The following FBXL13 variants were observed in gnomAD, a reference collection of about 807,000 sequenced individuals.
FBXL13 encodes F-box and leucine rich repeat protein 13, also known as F-box and leucine-rich repeat protein 13.
In FBXL13, 67 loss-of-function variants were observed where a neutral mutation model predicts 83.6. That is an observed-to-expected ratio of 0.80 (90% CI 0.66 to 0.98). FBXL13 has a LOEUF of 0.98. FBXL13 is among the 50% of genes least tolerant of loss of function. FBXL13 has a pLI of 0.00. For synonymous variants in FBXL13, 272 were observed against 299.5 expected, an observed-to-expected ratio of 0.91 and a Z score of 0.95; for missense variants, 822 against 866.5, an observed-to-expected ratio of 0.95 and a Z score of 0.64.
rs189260412 is a variant in FBXL13 at position 102,966,969 on chromosome 7, G to T, written c.591+1053C>A. On this transcript the variant is annotated intron_variant, in intron 7 of 19. Transcript: ENST00000313221. Reference sequence around the variant, plus strand: ...AAGGTCATCCTTGTAATCCTGTTTTGGTTTTTTTGTTTTTTTTTTGAGATG... The same window carrying T: ...AAGGTCATCCTTGTAATCCTGTTTTTGTTTTTTTGTTTTTTTTTTGAGATG... Among the ~76,000 whole-genome samples, 175 of 151,788 alleles carry T rather than the reference G, an allele frequency of 1.2e-3. 1 individual carries two copies. Among genetic ancestry groups the T allele is most frequent in the Middle Eastern group, 3.4e-3 (1 of 294 alleles).
chr7:103,022,545 A>G (rs997736656), intron 6 of FBXL13, among the ~76,000 whole-genome samples: 2 of 152,186 alleles, frequency 1.3e-5, no homozygotes, highest in African/African-American at 4.8e-5. Flanking sequence ...CCACACATCT[A>G]CACAATCAAG....
At chr7:102,887,532 T>G (rs1360717719) in intron 11 of FBXL13, among the ~76,000 whole-genome samples, 4 of 152,180 alleles carry the variant, frequency 2.6e-5, no homozygotes, top group Non-Finnish European at 5.9e-5. Flanking sequence ...TTGTGGGGGC[T>G]GGCAAATCTG....
chr7:102,852,013 T>C (rs1393642683), intron 17 of FBXL13, among the ~76,000 whole-genome samples: 1 of 152,190 alleles, frequency 6.6e-6, no homozygotes, highest in African/African-American at 2.4e-5. Context: ...GTATCTGGCA[T>C]AATTTTTCAA....
chr7:102,949,487 A>G (rs1454169224), intron 8 of FBXL13, among the ~76,000 whole-genome samples: 1 of 152,088 alleles, frequency 6.6e-6, no homozygotes, highest in Non-Finnish European at 1.5e-5. Flanking sequence ...ATGTGTTAAG[A>G]ATGGTTTTTA....
chr7:102,867,695 A>ATATATATATATTTTTT (rs1239781180), intron 16 of FBXL13, among the ~76,000 whole-genome samples: 1 of 49,078 alleles, frequency 2.0e-5, no homozygotes, highest in African/African-American at 1.2e-4. Flanking sequence ...ATATATATAT[A>ATATATATATATTTTTT]TTTTTTTTTT....
intron 2 of FBXL13, among the ~76,000 whole-genome samples, chr7:103,032,442 C>G (rs1477136776): frequency 6.6e-6 from 1 of 152,136 alleles, no homozygotes. Flanking sequence ...ATTATCCTGC[C>G]TTAGACACTT....
chr7:102,856,553 A>G (rs1806079021), intron 16 of FBXL13, among the ~76,000 whole-genome samples: 1 of 152,214 alleles, frequency 6.6e-6, no homozygotes, highest in Non-Finnish European at 1.5e-5. Flanking sequence ...ATATATGCTT[A>G]CTACTTTATT....
chr7:103,001,538 T>A (rs1354732760), intron 6 of FBXL13, among the ~76,000 whole-genome samples: 1 of 152,136 alleles, frequency 6.6e-6, no homozygotes, highest in Non-Finnish European at 1.5e-5. Flanking sequence ...CAGGGGAGAT[T>A]GATATTTGTT....
rs1491519097 is a variant in FBXL13, at chr7:102,834,473, A to ATATATATATATATG, written c.1720-1500_1720-1499insCATATATATATATA. The ATATATATATATATG allele has an allele frequency of 7.8e-5, 11 of 141,540 alleles. No homozygotes were observed. The Admixed American group carries it at 7.8e-4, about 10-fold the overall frequency. 8.8% of individuals were successfully genotyped at this position (141,540 alleles called of 1,614,324 possible). ...TATGTGATTATATATATATATATAT[A>ATATATATATATATG]TGTGATGTGGCTCTTAGCACAAAAT... On this transcript the variant is annotated intron_variant, in intron 17 of 19. Coordinates refer to ENST00000313221, the Ensembl canonical transcript of FBXL13.
intron 16 of FBXL13, among the ~76,000 whole-genome samples, chr7:102,867,009 T>C (rs1382775833): frequency 1.3e-5 from 2 of 152,074 alleles, no homozygotes; most frequent in East Asian, 3.8e-4. Context: ...AAGAAGGAGA[T>C]CCTAAGCCTG....
chr7:102,929,432 C>A (rs1386786865), intron 9 of FBXL13, among the ~76,000 whole-genome samples: 1 of 151,954 alleles, frequency 6.6e-6, no homozygotes, highest in African/African-American at 2.4e-5. Flanking sequence ...GAGGCCGAGG[C>A]GGGTGGATCA....
In FBXL13 at chr7:102,959,132, A is replaced by G. The variant is rs975159939; in HGVS notation, c.724+4401T>C. Among the ~76,000 whole-genome samples, 39 of 152,274 alleles carry G rather than the reference A, an allele frequency of 2.6e-4. 1 individual carries two copies. The highest frequency in any genetic ancestry group is 7.0e-4 in the African/African-American group (29 of 41,548). ...CTACCTAGAAAATTCAAGAGAATCAATTGACAAGCTATTAAAACCAAGAAG... is the reference window on the plus strand; with the variant it reads ...CTACCTAGAAAATTCAAGAGAATCAGTTGACAAGCTATTAAAACCAAGAAG... On this transcript the variant is annotated intron_variant, in intron 8 of 19. Coordinates refer to ENST00000313221, the Ensembl canonical transcript of FBXL13.
At chr7:102,972,470 A>T (rs909335195) in intron 6 of FBXL13, among the ~76,000 whole-genome samples, 2 of 152,158 alleles carry the variant, frequency 1.3e-5, no homozygotes, top group Admixed American at 6.5e-5. Flanking sequence ...AGTAACCAGT[A>T]AAATCATAGA....
intron 8 of FBXL13, 24 bp downstream of exon 9, chr7:102,963,509 A>G (rs372045282): frequency 3.7e-6 from 6 of 1,601,694 alleles, no homozygotes; most frequent in Non-Finnish European, 5.1e-6. Context: ...AAGCAAGACA[A>G]ATAGTTGTAA....
At chr7:102,895,379 C>A (rs191365197) in intron 11 of FBXL13, among the ~76,000 whole-genome samples, 14 of 152,326 alleles carry the variant, frequency 9.2e-5, no homozygotes, top group African/African-American at 3.4e-4. Flanking sequence ...GGCACCGAAG[C>A]AGAAACCCCT....
chr7:102,984,162 C>T (rs1828646615), intron 6 of FBXL13, among the ~76,000 whole-genome samples: 1 of 151,668 alleles, frequency 6.6e-6, no homozygotes, highest in African/African-American at 2.4e-5. Context: ...CTTTTTAGCA[C>T]TGAAAAAAGA....
chr7:103,073,441 C>T (rs949270114), intron 1 of FBXL13, among the ~76,000 whole-genome samples: 1 of 152,030 alleles, frequency 6.6e-6, no homozygotes, highest in African/African-American at 2.4e-5. Flanking sequence ...TAGGATGGAG[C>T]CACTACACCC....
Position 102,878,355 on chromosome 7 carries a change from G to T in FBXL13, c.1484C>A (p.Ala495Asp), listed in dbSNP as rs548356633. ...CCGCTCAGATAGTTTCATAACAGAG[G>T]CATCACTTAGCCGCACACAGTTGCT... Residue 495 changes from alanine to aspartate, a missense_variant, in exon 15 of 20, where the codon GCC (alanine) becomes GAC (aspartate). Physicochemically the swap from Ala to Asp is moderately radical, Grantham distance 126. Transcript: ENST00000313221. 6.2e-6 allele frequency: 10 copies of T among 1,606,496 alleles called. No individual in the cohort carries two copies. In the South Asian group the frequency reaches 8.9e-5, roughly 14 times the overall value.
chr7:102,824,995 A>G (rs548068377), intron 18 of FBXL13, among the ~76,000 whole-genome samples: 2 of 152,122 alleles, frequency 1.3e-5, no homozygotes, highest in South Asian at 4.1e-4. Flanking sequence ...ACAATCTTTA[A>G]TTATTATAAA....
Sources: gnomAD v4.1 joint callset for allele counts (sites outside exome capture counted in the v4.1 genomes callset) on GRCh38, gnomAD v4.1.1 for gene constraint, MANE v1.5 for transcripts, NCBI Gene and HGNC (gene_info 2026-07-23, HGNC 2026-07-21) for gene names.